Variants in B9D2 observed in about 807,000 individuals in gnomAD.
B9D2 encodes the protein B9 domain-containing protein 2.
A neutral mutation model predicts 19.2 loss-of-function variants in B9D2; 21 were observed. The observed-to-expected ratio is 1.09, with a 90% CI of 0.78 to 1.58. B9D2 has a LOEUF of 1.58. Among genes scored for constraint, B9D2 ranks in the 40% most tolerant of loss-of-function variants. The pLI, the probability that B9D2 is intolerant of heterozygous loss-of-function variation, is 0.00. For missense variants in B9D2, 221 were observed against 244.3 expected, an observed-to-expected ratio of 0.90 and a Z score of 0.64; for synonymous variants, 91 against 100.6, an observed-to-expected ratio of 0.90 and a Z score of 0.57.
intron 2 of B9D2, among the ~76,000 whole-genome samples, chr19:41,359,800 C>A (rs1014960766): frequency 2.6e-5 from 4 of 152,232 alleles, no homozygotes; most frequent in Non-Finnish European, 5.9e-5. Flanking sequence ...TTTAATCCAC[C>A]CTCTAGGACT....
At position 41,354,587 on chromosome 19, in the gene B9D2, G is replaced by T; in HGVS notation, c.*113C>A. ...AGGACAGAAGCGGTGCCATGCCTTA[G>T]CTGGGGTCAGCTCTGACAGTCTCTA... is the stretch of plus-strand genomic sequence containing the variant. On this transcript the variant is annotated 3_prime_UTR_variant, in exon 4 of 4. Coordinates refer to ENST00000243578, the MANE Select transcript of B9D2 (RefSeq NM_030578.4). The T allele has an allele frequency of 7.1e-7, 1 of 1,400,514 alleles. No individual in the cohort carries two copies. The highest frequency in any genetic ancestry group is 9.9e-7 in the Non-Finnish European group (1 of 1,005,900). 86.8% of individuals were successfully genotyped at this position (1,400,514 alleles called of 1,614,324 possible).
chr19:41,363,218 C>T, intron 2 of B9D2: 1 of 604,892 alleles, frequency 1.7e-6, no homozygotes, highest in Non-Finnish European at 3.0e-6. Flanking sequence ...CTTACTCCAG[C>T]CCGGGCGCAG....
At chr19:41,355,637 T>C (rs1382129998) in intron 3 of B9D2, among the ~76,000 whole-genome samples, 4 of 152,234 alleles carry the variant, frequency 2.6e-5, no homozygotes, top group African/African-American at 7.2e-5. Flanking sequence ...TCCCTTCTCC[T>C]GTGCTAGACT....
At chr19:41,362,440 A>C (rs1206984040) in intron 2 of B9D2, among the ~76,000 whole-genome samples, 1 of 150,236 alleles carries the variant, frequency 6.7e-6, no homozygotes, top group Non-Finnish European at 1.5e-5. Context: ...CCAAATGGCC[A>C]CATCTGTTTC....
chr19:41,355,144 T>C, intron 3 of B9D2, 131 bp from the exon 4 acceptor site: 1 of 967,722 alleles, frequency 1.0e-6, no homozygotes, highest in Non-Finnish European at 1.5e-6. Context: ...TCCCAGAGTT[T>C]CCAACCCAGC....
In B9D2 at chr19:41,354,769, A is replaced by ACC. The variant is rs1256807950; in HGVS notation, c.458_459insGG (p.Gly154ValfsTer59). 11 of 1,613,936 alleles carry ACC rather than the reference A, an allele frequency of 6.8e-6. No individual in the cohort carries two copies. The highest frequency in any genetic ancestry group is 1.7e-6 in the Non-Finnish European group (2 of 1,180,042). On this transcript the variant is annotated frameshift_variant, in exon 4 of 4. Transcript: ENST00000243578. LOFTEE classifies it high-confidence loss of function. ...CGATCTCCAGGTGCACGGTGCCACC[A>ACC]GCAGCTGTGTGCAGGCGATAGCGGT...
Position 41,354,430 on chromosome 19 carries a change from C to T in B9D2, c.*270G>A. On this transcript the variant is annotated 3_prime_UTR_variant, in exon 4 of 4. Coordinates refer to ENST00000243578, the MANE Select transcript of B9D2 (RefSeq NM_030578.4). ...AGGAGGCAGACACCTGTAAGAATTGCTCTCCTTTACTGAGCACCTCCCATG... is the reference window on the plus strand; with the variant it reads ...AGGAGGCAGACACCTGTAAGAATTGTTCTCCTTTACTGAGCACCTCCCATG... The T allele has an allele frequency of 1.7e-6, 1 of 600,898 alleles. No homozygotes were observed. The highest frequency in any genetic ancestry group is 2.8e-5 in the East Asian group (1 of 36,292). 37.2% of individuals were successfully genotyped at this position (600,898 alleles called of 1,614,324 possible).
Position 41,354,771 on chromosome 19 carries a change from C to A in B9D2, c.457G>T (p.Ala153Ser), listed in dbSNP as rs1290042955. 1.2e-6 allele frequency: 2 copies of A among 1,613,932 alleles called. No individual in the cohort carries two copies. The highest frequency in any genetic ancestry group is 2.7e-5 in the African/African-American group (2 of 74,946). ...GADRYRLHTA[A>S]GGTVHLEIGL... ...ATCTCCAGGTGCACGGTGCCACCAG[C>A]AGCTGTGTGCAGGCGATAGCGGTCG... Residue 153 changes from alanine to serine, a missense_variant, in exon 4 of 4, where the codon GCT becomes TCT. Coordinates refer to ENST00000243578, the MANE Select transcript of B9D2 (RefSeq NM_030578.4).
chr19:41,356,203 G>A (rs992259109), intron 3 of B9D2, among the ~76,000 whole-genome samples: 1 of 152,164 alleles, frequency 6.6e-6, no homozygotes, highest in Non-Finnish European at 1.5e-5. Flanking sequence ...GTGTTCACAG[G>A]GTCCCAGCTG....
Position 41,363,323 on chromosome 19 carries a change from G to C in B9D2, c.88+109C>G, listed in dbSNP as rs1041209309. ...GTGTGGGCTGGGCCTGGAGTACTGA[G>C]AACTGATGGAAATGAGGTTAAGAGT... On this transcript the variant is annotated intron_variant, in intron 2 of 3. Coordinates refer to ENST00000243578, the MANE Select transcript of B9D2 (RefSeq NM_030578.4). 9 of 1,118,422 alleles carry C rather than the reference G, an allele frequency of 8.0e-6. No individual in the cohort carries two copies. In the African/African-American group the frequency reaches 1.4e-4, roughly 17 times the overall value. The allele number at this position is 1,118,422 out of a possible 1,614,324, so 69.3% of individuals were successfully genotyped here.
Position 41,354,596 on chromosome 19 carries a change from A to G in B9D2, c.*104T>C. Reference sequence around the variant, plus strand: ...GCGGTGCCATGCCTTAGCTGGGGTCAGCTCTGACAGTCTCTAGAGTCTGTG... The same window carrying G: ...GCGGTGCCATGCCTTAGCTGGGGTCGGCTCTGACAGTCTCTAGAGTCTGTG... On this transcript the variant is annotated 3_prime_UTR_variant, in exon 4 of 4. Coordinates refer to ENST00000243578, the MANE Select transcript of B9D2 (RefSeq NM_030578.4). The G allele has an allele frequency of 2.7e-6, 4 of 1,459,190 alleles. No homozygotes were observed. Among genetic ancestry groups the G allele is most frequent in the Non-Finnish European group, 9.5e-7 (1 of 1,054,136 alleles). The allele number at this position is 1,459,190 out of a possible 1,614,324, so 90.4% of individuals were successfully genotyped here. A position where few individuals can be genotyped will look rare whatever the true frequency, so the allele number is the denominator to read the frequency against.
rs1036087413 is a variant in B9D2, at chr19:41,362,100, A to G, written c.88+1332T>C. Among the ~76,000 whole-genome samples, 716 of 129,110 alleles carry G rather than the reference A, an allele frequency of 5.5e-3. 8 individuals carry two copies. Among genetic ancestry groups the G allele is most frequent in the African/African-American group, 0.02 (678 of 33,270 alleles). 84.7% of individuals were successfully genotyped at this position (129,110 alleles called of 152,430 possible). On this transcript the variant is annotated intron_variant, in intron 2 of 3. Coordinates refer to ENST00000243578, the MANE Select transcript of B9D2 (RefSeq NM_030578.4). ...TCTCAAAAAAAAAAAAAAAAAAAAAAGGGCCAGGCGCAGTGGCTCACGCCT... is the reference window on the plus strand; with the variant it reads ...TCTCAAAAAAAAAAAAAAAAAAAAAGGGGCCAGGCGCAGTGGCTCACGCCT...
At chr19:41,357,095 C>T (rs1350369678) in intron 3 of B9D2, among the ~76,000 whole-genome samples, 1 of 152,198 alleles carries the variant, frequency 6.6e-6, no homozygotes, top group Non-Finnish European at 1.5e-5. Flanking sequence ...GCCTTATTAG[C>T]TCCGCTGGCC....
chr19:41,356,220 G>A (rs559050759), intron 3 of B9D2, among the ~76,000 whole-genome samples: 1 of 152,176 alleles, frequency 6.6e-6, no homozygotes, highest in South Asian at 2.1e-4. Context: ...GCTGCATGTG[G>A]GGTGCAGACC....
At chr19:41,357,520 TCTA>T (rs2038333082) in intron 3 of B9D2, among the ~76,000 whole-genome samples, 1 of 152,126 alleles carries the variant, frequency 6.6e-6, no homozygotes. Context: ...GAGCAGCAGC[TCTA>T]CTTTCAAGCC....
At position 41,354,979 on chromosome 19, in the gene B9D2, C is replaced by T; in HGVS notation, c.249G>A (p.Gln83=). The part of the protein sequence containing the change: ...WPRLHFQVWS[Q]DSFGRCQLAG... ...CAAGCTGGCAGCGGCCAAAGCTGTCCTGGGACCACACCTGGAAATGGAGCC... is the reference window on the plus strand; with the variant it reads ...CAAGCTGGCAGCGGCCAAAGCTGTCTTGGGACCACACCTGGAAATGGAGCC... Residue 83 remains glutamine, a synonymous_variant, in exon 4 of 4, where the codon CAG becomes CAA. Transcript: ENST00000243578. 2 of 1,607,712 alleles carry T rather than the reference C, an allele frequency of 1.2e-6. No individual in the cohort carries two copies. Among genetic ancestry groups the T allele is most frequent in the Non-Finnish European group, 1.7e-6 (2 of 1,176,096 alleles).
intron 2 of B9D2, among the ~76,000 whole-genome samples, chr19:41,358,914 G>A (rs2038359221): frequency 6.6e-6 from 1 of 152,048 alleles, no homozygotes; most frequent in South Asian, 2.1e-4. Context: ...AGGCTTAGGG[G>A]GGGGTGGATC....
chr19:41,362,850 T>C (rs947026669), intron 2 of B9D2: 2 of 155,004 alleles, frequency 1.3e-5, no homozygotes, highest in South Asian at 3.6e-4. Context: ...CTCCAATTAA[T>C]AGGTGGGGGA....
chr19:41,358,301 T>C (rs1249304855), intron 2 of B9D2, among the ~76,000 whole-genome samples: 1 of 152,162 alleles, frequency 6.6e-6, no homozygotes, highest in African/African-American at 2.4e-5. Context: ...ACTCTTAACA[T>C]AATATCCAAA....
Sources: allele counts gnomAD v4.1 joint callset (sites outside exome capture counted in the v4.1 genomes callset), GRCh38; gene constraint gnomAD v4.1.1; transcripts MANE v1.5; gene names NCBI Gene and HGNC (gene_info 2026-07-23, HGNC 2026-07-21).